EPHB1: variants seen among roughly 807,000 people sequenced by gnomAD.
EPHB1 encodes the protein ephrin type-B receptor 1.
Under a neutral mutation model 94.4 loss-of-function variants are expected in EPHB1, and 30 were observed. That is an observed-to-expected ratio of 0.32 (90% CI 0.24 to 0.43). The LOEUF is 0.43. Ranked by LOEUF, EPHB1 falls within the 20% of genes least tolerant of loss-of-function variation. The pLI is 1.00. For synonymous variants in EPHB1, 522 were observed against 489.1 expected, an observed-to-expected ratio of 1.07 and a Z score of -0.89; for missense variants, 1,055 against 1,308.3, an observed-to-expected ratio of 0.81 and a Z score of 2.99.
chr3:135,113,881 A>G lies in EPHB1; in HGVS notation c.961+7278A>G, dbSNP rs190556256. ...GGCTGGCCTTTTCTGAATCTCTCAC[A>G]TTTATCGATAAGGCTCTTAAAATAT... On this transcript the variant is annotated intron_variant, in intron 4 of 15. Coordinates refer to ENST00000398015, the MANE Select transcript of EPHB1 (RefSeq NM_004441.5). Among the ~76,000 whole-genome samples, 7 of 152,256 alleles carry G rather than the reference A, an allele frequency of 4.6e-5. No homozygotes were observed. The East Asian group carries it at 9.7e-4, about 21-fold the overall frequency.
chr3:135,213,341 A>G (rs1943072887), intron 12 of EPHB1, among the ~76,000 whole-genome samples: 1 of 152,250 alleles, frequency 6.6e-6, no homozygotes, highest in African/African-American at 2.4e-5. Context: ...AGAGAAACAG[A>G]CAAATGAGCT....
At chr3:135,187,536 G>A (rs1942358244) in intron 10 of EPHB1, among the ~76,000 whole-genome samples, 1 of 152,128 alleles carries the variant, frequency 6.6e-6, no homozygotes, top group African/African-American at 2.4e-5. Flanking sequence ...ATATTAAACT[G>A]AAGTCAAAGA....
chr3:135,166,868 G>A lies in EPHB1; in HGVS notation c.1695-74G>A. The stretch of plus-strand genomic sequence containing the variant: ...CGGGTGAGCCCCTATCTGGCCTGGG[G>A]CCTAGATGGAGGTACCTGGAACAGA... On this transcript the variant is annotated intron_variant, in intron 8 of 15. Transcript: ENST00000398015. 5 of 1,537,350 alleles carry A rather than the reference G, an allele frequency of 3.3e-6. No individual in the cohort carries two copies. In the South Asian group the frequency reaches 5.7e-5, roughly 18 times the overall value.
At chr3:134,810,766 A>G (rs2036155915) in intron 1 of EPHB1, among the ~76,000 whole-genome samples, 1 of 152,130 alleles carries the variant, frequency 6.6e-6, no homozygotes, top group South Asian at 2.1e-4. Context: ...ATAGGAATGG[A>G]AAGATAAGAT....
intron 3 of EPHB1, among the ~76,000 whole-genome samples, chr3:135,084,124 C>T (rs1488683767): frequency 6.6e-6 from 1 of 152,010 alleles, no homozygotes; most frequent in Non-Finnish European, 1.5e-5. Flanking sequence ...GAAAGAAAGA[C>T]CAAAGTGTGT....
intron 3 of EPHB1, among the ~76,000 whole-genome samples, chr3:135,073,732 C>G (rs1199563797): frequency 2.6e-5 from 4 of 151,956 alleles, no homozygotes; most frequent in Non-Finnish European, 4.4e-5. Flanking sequence ...GGTTTATTAT[C>G]TCTTTTTAGT....
At chr3:134,906,721 A>G (rs1231494060) in intron 1 of EPHB1, among the ~76,000 whole-genome samples, 1 of 152,230 alleles carries the variant, frequency 6.6e-6, no homozygotes, top group East Asian at 1.9e-4. Flanking sequence ...GACCATCATA[A>G]CACTTATCAG....
intron 3 of EPHB1, among the ~76,000 whole-genome samples, chr3:135,096,917 GA>G (rs1277023935): frequency 3.3e-5 from 5 of 151,958 alleles, no homozygotes; most frequent in Non-Finnish European, 5.9e-5. Context: ...CTAACACGGT[GA>G]AACCCCGTCT....
chr3:134,850,313 A>T (rs918520493), intron 1 of EPHB1, among the ~76,000 whole-genome samples: 2 of 152,224 alleles, frequency 1.3e-5, no homozygotes, highest in African/African-American at 4.8e-5. Flanking sequence ...TCTGTTCCAC[A>T]TCAAAGCAGT....
intron 4 of EPHB1, among the ~76,000 whole-genome samples, chr3:135,114,498 G>A (rs545864821): frequency 7.2e-4 from 90 of 124,504 alleles, no homozygotes; most frequent in Non-Finnish European, 1.1e-3. Flanking sequence ...TCAGGAGTTC[G>A]AGACCAGCCT....
intron 4 of EPHB1, among the ~76,000 whole-genome samples, chr3:135,115,477 T>G (rs1176340743): frequency 6.6e-6 from 1 of 152,206 alleles, no homozygotes; most frequent in East Asian, 1.9e-4. Flanking sequence ...GGCCTTGCTT[T>G]GCGCACCCTG....
chr3:134,874,103 A>G (rs1464416021), intron 1 of EPHB1, among the ~76,000 whole-genome samples: 4 of 152,216 alleles, frequency 2.6e-5, no homozygotes, highest in Non-Finnish European at 5.9e-5. Context: ...CCACAAGATG[A>G]TCACAGAAGC....
chr3:135,198,976 A>T, intron 11 of EPHB1, among the ~76,000 whole-genome samples: 1 of 152,108 alleles, frequency 6.6e-6, no homozygotes, highest in East Asian at 1.9e-4. Flanking sequence ...GTCTTTTTTG[A>T]CCCCAGAAAC....
In EPHB1 at chr3:135,241,579, T is replaced by C. The variant is rs553166287; in HGVS notation, c.2496+282T>C. On this transcript the variant is annotated intron_variant, in intron 13 of 15. Coordinates refer to ENST00000398015, the MANE Select transcript of EPHB1 (RefSeq NM_004441.5). ...GCTGTTTCCAAATGGCTGAGGACCA[T>C]GAATAGATCAGCCCCAAATTAAGCA... Among the ~76,000 whole-genome samples the C allele has an allele frequency of 6.6e-5, 10 of 152,274 alleles. No homozygotes were observed. In the East Asian group the frequency reaches 1.5e-3, roughly 24 times the overall value.
At chr3:135,083,946 A>T (rs531445964) in intron 3 of EPHB1, among the ~76,000 whole-genome samples, 18 of 152,074 alleles carry the variant, frequency 1.2e-4, no homozygotes, top group Non-Finnish European at 1.6e-4. Context: ...GGTGATGATG[A>T]CAGTTCAGTA....
chr3:135,183,446 A>C lies in EPHB1; in HGVS notation c.1882+3464A>C, dbSNP rs551840877. 2.6e-5 allele frequency among the ~76,000 whole-genome samples: 4 copies of C among 152,192 alleles called. No homozygotes were observed. The South Asian group carries it at 8.3e-4, about 31-fold the overall frequency. On this transcript the variant is annotated intron_variant, in intron 10 of 15. Transcript: ENST00000398015. ...TTGTTGCAGGAGGGATTAAGTTTACAGTTCAGAAAGATCTTTATTCATTAA... is the reference window on the plus strand; with the variant it reads ...TTGTTGCAGGAGGGATTAAGTTTACCGTTCAGAAAGATCTTTATTCATTAA...
intron 3 of EPHB1, among the ~76,000 whole-genome samples, chr3:135,039,656 G>A (rs1402318904): frequency 3.9e-5 from 6 of 152,230 alleles, no homozygotes; most frequent in Admixed American, 6.5e-5. Context: ...TACACCCTCC[G>A]CAGCCACTGG....
At chr3:134,885,726 T>C (rs2037849637) in intron 1 of EPHB1, among the ~76,000 whole-genome samples, 1 of 152,194 alleles carries the variant, frequency 6.6e-6, no homozygotes, top group South Asian at 2.1e-4. Flanking sequence ...TAGTTACTGT[T>C]GTCTAGGCAG....
intron 1 of EPHB1, among the ~76,000 whole-genome samples, chr3:134,820,655 T>C (rs1422079119): frequency 1.3e-5 from 2 of 152,182 alleles, no homozygotes; most frequent in Non-Finnish European, 2.9e-5. Context: ...TATTTTATTT[T>C]ATTTTGTATT....
Sources: allele counts gnomAD v4.1 joint callset (sites outside exome capture counted in the v4.1 genomes callset), GRCh38; gene constraint gnomAD v4.1.1; transcripts MANE v1.5; gene names NCBI Gene and HGNC (gene_info 2026-07-23, HGNC 2026-07-21).